Variants in OSGIN2 observed in about 807,000 individuals in gnomAD.
OSGIN2 encodes oxidative stress induced growth inhibitor family member 2.
In OSGIN2, 19 loss-of-function variants were observed where a neutral mutation model predicts 53.8. The observed-to-expected ratio is 0.35, with a 90% CI of 0.25 to 0.52. OSGIN2 has a LOEUF of 0.52. OSGIN2 is among the 20% of genes least tolerant of loss of function. The probability of loss-of-function intolerance (pLI) is 0.95; values close to 1 mark genes in which losing one functional copy is unlikely to be tolerated. For synonymous variants in OSGIN2, 236 were observed against 236.0 expected (o/e 1.00, Z 0.00); for missense variants, 520 against 662.7 (o/e 0.78, Z 2.36).
chr8:89,902,533 C>G (rs1319671811), upstream of OSGIN2: 5 of 153,052 alleles, frequency 3.3e-5, no homozygotes, highest in Non-Finnish European at 7.3e-5. Flanking sequence ...GTCCCCGCCC[C>G]GCTCCGCCCC....
Position 89,927,516 on chromosome 8 carries a change from T to TATC in OSGIN2, c.*1986_*1988dup, listed in dbSNP as rs1563483737. 1.3e-5 allele frequency: 2 copies of TATC among 152,228 alleles called. No individual in the cohort carries two copies. The highest frequency in any genetic ancestry group is 6.5e-5 in the Admixed American group (1 of 15,284). 9.4% of individuals were successfully genotyped at this position (152,228 alleles called of 1,614,324 possible). ...CTAACACTTTACATTTTTTCTTTGC[T>TATC]ATCAGCTATAGCTATTCATGGAAGG... On this transcript the variant is annotated 3_prime_UTR_variant, in exon 6 of 6. Coordinates refer to ENST00000451899, the MANE Select transcript of OSGIN2 (RefSeq NM_001126111.3).
In OSGIN2 at chr8:89,925,092, A is replaced by G. The variant is rs1479533966; in HGVS notation, c.1210A>G (p.Met404Val). 1.9e-6 allele frequency: 3 copies of G among 1,613,696 alleles called. No homozygotes were observed. The highest frequency in any genetic ancestry group is 2.5e-6 in the Non-Finnish European group (3 of 1,179,556). Residue 404 changes from methionine (M) to valine (V), a missense_variant, in exon 6 of 6, where the codon ATG (methionine) becomes GTG (valine). Met to Val is a conservative substitution (Grantham distance 21). This residue lies in a region of OSGIN2 where 239 missense variants were observed against 328.3 expected (regional missense o/e 0.73). Transcript: ENST00000451899. ...YPEYHKVYHMMCTQSYSVDSN... is the reference protein window; with the variant it reads ...YPEYHKVYHMVCTQSYSVDSN... ...TGAATATCATAAAGTCTATCATATG[A>G]TGTGTACTCAGTCATATTCTGTAGA...
chr8:89,902,932 G>A, intron 1 of OSGIN2, 95 bp downstream of exon 1: 1 of 864,216 alleles, frequency 1.2e-6, no homozygotes, highest in Non-Finnish European at 1.6e-6. Flanking sequence ...GGTGGAGGGC[G>A]AGCGCCTGGA....
At chr8:89,909,773 T>A in intron 2 of OSGIN2, 52 bp downstream of exon 2, 2 of 1,173,660 alleles carry the variant, frequency 1.7e-6, no homozygotes, top group Non-Finnish European at 2.4e-6. Flanking sequence ...CCCTTAATAC[T>A]TTTATAAATC....
At chr8:89,904,132 T>TA (rs1563460785) in intron 1 of OSGIN2, among the ~76,000 whole-genome samples, 7 of 152,246 alleles carry the variant, frequency 4.6e-5, no homozygotes, top group Non-Finnish European at 1.0e-4. Flanking sequence ...TGCTTGATTT[T>TA]AACTTTTAGG....
Position 89,925,479 on chromosome 8 carries a change from CAG to C in OSGIN2, c.1599_1600del (p.Lys534GlufsTer7). On this transcript the variant is annotated frameshift_variant, in exon 6 of 6. Coordinates refer to ENST00000451899, the MANE Select transcript of OSGIN2 (RefSeq NM_001126111.3). LOFTEE classifies it high-confidence loss of function. ...LGVTRCLATR[Q>X]KKKHLFVERG... ...TGTTACACGCTGTTTAGCTACAAGA[CAG>C]AAGAAAAAGCATTTGTTTGTTGAAA... 1 of 1,613,972 alleles carries C rather than the reference CAG, an allele frequency of 6.2e-7. No homozygotes were observed. Among genetic ancestry groups the C allele is most frequent in the Non-Finnish European group, 8.5e-7 (1 of 1,179,936 alleles).
At chr8:89,915,817 G>A (rs1398885297) in intron 4 of OSGIN2, among the ~76,000 whole-genome samples, 4 of 152,014 alleles carry the variant, frequency 2.6e-5, no homozygotes, top group South Asian at 2.1e-4. Flanking sequence ...TCAGGGTATC[G>A]GGACATTCCT....
chr8:89,909,670 G>A lies in OSGIN2; in HGVS notation c.148G>A (p.Glu50Lys). 1.2e-6 allele frequency: 2 copies of A among 1,610,606 alleles called. No individual in the cohort carries two copies. The highest frequency in any genetic ancestry group is 8.5e-7 in the Non-Finnish European group (1 of 1,177,684). ...RKVKAMPLVE[E>K]TSLLEDSSVT... ...AGTTAAAGCGATGCCATTAGTTGAA[G>A]AAACTTCTTTACTGGAAGATTCGTC... The change falls in exon 2 of 6, where the codon GAA (glutamate) becomes AAA (lysine). Residue 50 changes from glutamate (E) to lysine (K), a missense_variant. Transcript: ENST00000451899.
In OSGIN2 at chr8:89,924,498, T is replaced by C. The variant is rs1306050383; in HGVS notation, c.621-5T>C. On this transcript the variant is annotated splice_region_variant and splice_polypyrimidine_tract_variant and intron_variant, in intron 5 of 5. Coordinates refer to ENST00000451899, the MANE Select transcript of OSGIN2 (RefSeq NM_001126111.3). ...TATAGGATATTTTTCCTTTTCCTTT[T>C]TTAGGAGCCTAAAAGGGGATCGAGT... 1 of 1,571,634 alleles carries C rather than the reference T, an allele frequency of 6.4e-7. No individual in the cohort carries two copies. The highest frequency in any genetic ancestry group is 2.0e-5 in the Admixed American group (1 of 49,550).
At chr8:89,908,165 C>G (rs552208523) in intron 1 of OSGIN2, among the ~76,000 whole-genome samples, 23 of 152,266 alleles carry the variant, frequency 1.5e-4, no homozygotes, top group African/African-American at 5.3e-4. Flanking sequence ...GCATCTGGAT[C>G]TGATCAGAGG....
At position 89,914,199 on chromosome 8, in the gene OSGIN2, T is replaced by C; in HGVS notation, c.322T>C (p.Ser108Pro). 6.3e-7 allele frequency: 1 copy of C among 1,599,400 alleles called. No homozygotes were observed. The highest frequency in any genetic ancestry group is 1.7e-5 in the Admixed American group (1 of 58,054). ...NSKLEEARHL[S>P]IVDQDLEYLS... ...TAAATTAGAAGAAGCAAGACATCTT[T>C]CCATTGTTGATCAGGTATTATTTCT... Residue 108 changes from serine (S) to proline (P), a missense_variant, in exon 3 of 6, where the codon TCC becomes CCC. By Grantham distance (74) the Ser-to-Pro change is moderately conservative. Coordinates refer to ENST00000451899, the MANE Select transcript of OSGIN2 (RefSeq NM_001126111.3).
intron 2 of OSGIN2, among the ~76,000 whole-genome samples, chr8:89,912,508 C>G (rs1404860262): frequency 1.3e-5 from 2 of 152,056 alleles, no homozygotes; most frequent in African/African-American, 4.8e-5. Context: ...GTAATCCCAG[C>G]ACTTGGGGAG....
chr8:89,918,260 T>G (rs1025901948), intron 4 of OSGIN2, among the ~76,000 whole-genome samples: 5 of 152,166 alleles, frequency 3.3e-5, no homozygotes, highest in Non-Finnish European at 7.4e-5. Flanking sequence ...TCTTCCTGTT[T>G]GGTCACTCCT....
chr8:89,918,335 C>G (rs1222212819), intron 4 of OSGIN2, among the ~76,000 whole-genome samples: 4 of 152,088 alleles, frequency 2.6e-5, no homozygotes, highest in Non-Finnish European at 5.9e-5. Context: ...GGGTCTCACT[C>G]TGTCATGCAG....
At chr8:89,902,347 T>C (rs1808734366), upstream of OSGIN2, among the ~76,000 whole-genome samples, 2 of 152,058 alleles carry the variant, frequency 1.3e-5, no homozygotes, top group South Asian at 2.1e-4. Context: ...AGGTCTCGAT[T>C]GCCGCCGGTC....
In OSGIN2 at chr8:89,908,123, A is replaced by C. The variant is rs138458639; in HGVS notation, c.45-1444A>C. Among the ~76,000 whole-genome samples the C allele has an allele frequency of 2.2e-3, 341 of 152,314 alleles. 2 individuals are homozygous for C. The highest frequency in any genetic ancestry group is 0.01 in the Middle Eastern group (3 of 294). On this transcript the variant is annotated intron_variant, in intron 1 of 5. Transcript: ENST00000451899. ...AAACATGTTAAATGCAGTTGCCAAG[A>C]GGTAGAAGCGGGCATGGGCAAGACA...
At chr8:89,921,688 A>C (rs1809207883) in intron 5 of OSGIN2, among the ~76,000 whole-genome samples, 1 of 152,194 alleles carries the variant, frequency 6.6e-6, no homozygotes, top group Non-Finnish European at 1.5e-5. Flanking sequence ...AAAAAATAAG[A>C]GTAGAACTGA....
chr8:89,924,437 A>ATAAG, intron 5 of OSGIN2, 66 bp from the exon 6 acceptor site: 1 of 1,156,832 alleles, frequency 8.6e-7, no homozygotes. Context: ...TACTAGGTAG[A>ATAAG]TAAGTAATAA....
chr8:89,911,117 C>T (rs1808958604), intron 2 of OSGIN2, among the ~76,000 whole-genome samples: 1 of 152,076 alleles, frequency 6.6e-6, no homozygotes, highest in African/African-American at 2.4e-5. Context: ...TTCCTGGCTC[C>T]CTTCTGTAGC....
Sources: gnomAD v4.1 joint callset for allele counts (sites outside exome capture counted in the v4.1 genomes callset) on GRCh38, gnomAD v4.1.1 for gene constraint, gnomAD v4.1.1 regional missense constraint, MANE v1.5 for transcripts, NCBI Gene and HGNC (gene_info 2026-07-23, HGNC 2026-07-21) for gene names.